Variants in CSMD1 observed in about 807,000 individuals in gnomAD.
The protein encoded by CSMD1 is CUB and sushi domain-containing protein 1.
A neutral mutation model predicts 417.5 loss-of-function variants in CSMD1; 213 were observed. The observed-to-expected ratio is 0.51, with a 90% CI of 0.46 to 0.57. The LOEUF (loss-of-function observed/expected upper bound fraction) is 0.57. CSMD1 is among the 20% of genes least tolerant of loss of function. The pLI, the probability that CSMD1 is intolerant of heterozygous loss-of-function variation, is 0.00. For synonymous variants in CSMD1, 2,862 were observed against 1,736.8 expected (o/e 1.65, Z -16.11); for missense variants, 6,923 against 4,529.7 (o/e 1.53, Z -15.17).
intron 3 of CSMD1, among the ~76,000 whole-genome samples, chr8:4,395,215 G>T (rs916877913): frequency 2.6e-5 from 4 of 152,166 alleles, no homozygotes; most frequent in African/African-American, 7.2e-5. Flanking sequence ...CAGACATCTG[G>T]CTGGTTTTCT....
At chr8:3,547,336 G>A (rs1029900138) in intron 10 of CSMD1, among the ~76,000 whole-genome samples, 1 of 152,204 alleles carries the variant, frequency 6.6e-6, no homozygotes, top group African/African-American at 2.4e-5. Flanking sequence ...AAGTGAGAAT[G>A]TAAAATTTGT....
intron 3 of CSMD1, among the ~76,000 whole-genome samples, chr8:4,347,012 C>T (rs1452089492): frequency 1.3e-5 from 2 of 152,164 alleles, no homozygotes; most frequent in Admixed American, 6.6e-5. Context: ...CTCCAGGATA[C>T]TTAAAGTTTT....
intron 1 of CSMD1, among the ~76,000 whole-genome samples, chr8:4,870,825 G>C (rs866353307): frequency 6.6e-6 from 1 of 152,148 alleles, no homozygotes; most frequent in African/African-American, 2.4e-5. Flanking sequence ...GAGTGCATTT[G>C]CTGGCTCCCC....
At chr8:4,929,034 G>T (rs1345608697) in intron 1 of CSMD1, among the ~76,000 whole-genome samples, 1 of 152,152 alleles carries the variant, frequency 6.6e-6, no homozygotes, top group Admixed American at 6.5e-5. Flanking sequence ...TTGCACCACT[G>T]CATTCCAGCC....
At chr8:3,032,200 A>G (rs1810386486) in intron 50 of CSMD1, among the ~76,000 whole-genome samples, 1 of 151,918 alleles carries the variant, frequency 6.6e-6, no homozygotes, top group African/African-American at 2.4e-5. Flanking sequence ...GATTTCCAGA[A>G]ATTTGTGCAA....
intron 3 of CSMD1, among the ~76,000 whole-genome samples, chr8:4,381,717 G>A (rs1238250283): frequency 5.3e-5 from 8 of 152,146 alleles, no homozygotes; most frequent in East Asian, 1.9e-4. Context: ...AGTTCACGCT[G>A]CCGTGGATGG....
intron 3 of CSMD1, among the ~76,000 whole-genome samples, chr8:4,359,903 C>T (rs13251752): frequency 6.6e-6 from 1 of 152,032 alleles, no homozygotes; most frequent in Non-Finnish European, 1.5e-5. Context: ...ACCTTTTAAC[C>T]ACAGTTTAAA....
At chr8:3,549,270 C>T (rs1039628809) in intron 10 of CSMD1, among the ~76,000 whole-genome samples, 1 of 152,230 alleles carries the variant, frequency 6.6e-6, no homozygotes, top group Non-Finnish European at 1.5e-5. Flanking sequence ...CGAAGTGTGC[C>T]AGTGACTGTG....
At chr8:4,159,629 C>A (rs1797033156) in intron 3 of CSMD1, among the ~76,000 whole-genome samples, 1 of 152,292 alleles carries the variant, frequency 6.6e-6, no homozygotes, top group African/African-American at 2.4e-5. Flanking sequence ...CACTCTGTCG[C>A]CCAGGCTGGA....
intron 5 of CSMD1, among the ~76,000 whole-genome samples, chr8:3,780,241 T>G (rs73658260): frequency 3.9e-5 from 6 of 152,110 alleles, no homozygotes; most frequent in Admixed American, 2.6e-4. Context: ...CAAATCAGCA[T>G]TGTCTGGTTC....
chr8:4,966,316 T>C (rs1009731485), intron 1 of CSMD1, among the ~76,000 whole-genome samples: 58 of 151,852 alleles, frequency 3.8e-4, no homozygotes, highest in African/African-American at 1.3e-3. Flanking sequence ...GAGACGAAGG[T>C]TGCAGTGAGC....
intron 3 of CSMD1, among the ~76,000 whole-genome samples, chr8:4,106,175 G>T (rs540534683): frequency 6.6e-6 from 1 of 152,282 alleles, no homozygotes; most frequent in African/African-American, 2.4e-5. Flanking sequence ...CAGCGTCTGT[G>T]CCTGATGGAC....
intron 3 of CSMD1, among the ~76,000 whole-genome samples, chr8:4,167,618 G>T (rs905989640): frequency 1.3e-5 from 2 of 152,200 alleles, no homozygotes; most frequent in South Asian, 4.2e-4. Context: ...GGATATGTGG[G>T]GGACAGATAA....
At position 4,327,614 on chromosome 8, in the gene CSMD1, A is replaced by G. The variant is rs959867259; in HGVS notation, c.415+92339T>C. On this transcript the variant is annotated intron_variant, in intron 3 of 69. Transcript: ENST00000635120. Reference sequence around the variant, plus strand: ...AAGATGTTACCAAGTCAGAAAGGGGAAAAAGCCCCCAAAAACAACAACAAC... The same window carrying G: ...AAGATGTTACCAAGTCAGAAAGGGGGAAAAGCCCCCAAAAACAACAACAAC... Among the ~76,000 whole-genome samples, 12 of 152,284 alleles carry G rather than the reference A, an allele frequency of 7.9e-5. No homozygotes were observed. The South Asian group carries it at 1.5e-3, about 18-fold the overall frequency.
intron 4 of CSMD1, among the ~76,000 whole-genome samples, chr8:4,031,402 A>G (rs1797336994): frequency 2.0e-5 from 3 of 152,340 alleles, no homozygotes; most frequent in East Asian, 1.9e-4. Context: ...GAGCTTGTGC[A>G]GGGGAACTCC....
intron 5 of CSMD1, among the ~76,000 whole-genome samples, chr8:3,808,020 G>C (rs911942807): frequency 6.6e-6 from 1 of 152,058 alleles, no homozygotes. Context: ...TCTCATTCTT[G>C]AGCTCTATTT....
At chr8:3,602,244 C>A (rs189258011) in intron 8 of CSMD1, among the ~76,000 whole-genome samples, 47 of 152,254 alleles carry the variant, frequency 3.1e-4, no homozygotes, top group African/African-American at 1.1e-3. Flanking sequence ...TTCGGGGTAA[C>A]TGGAGTGTGT....
At chr8:3,395,450 G>C (rs942120118) in intron 17 of CSMD1, among the ~76,000 whole-genome samples, 3 of 152,076 alleles carry the variant, frequency 2.0e-5, no homozygotes, top group Non-Finnish European at 4.4e-5. Context: ...CTAGATTTCA[G>C]AAGTATATTT....
intron 50 of CSMD1, among the ~76,000 whole-genome samples, chr8:3,043,275 T>C (rs183208714): frequency 2.6e-5 from 4 of 151,330 alleles, no homozygotes; most frequent in African/African-American, 4.9e-5. Flanking sequence ...ATAGCGAATA[T>C]AGTACATGTA....
Sources: gnomAD v4.1 joint callset for allele counts (sites outside exome capture counted in the v4.1 genomes callset) on GRCh38, gnomAD v4.1.1 for gene constraint, MANE v1.5 for transcripts, NCBI Gene and HGNC (gene_info 2026-07-23, HGNC 2026-07-21) for gene names.